FOXN3: variants seen among roughly 807,000 people sequenced by gnomAD.
FOXN3 encodes the protein forkhead box protein N3.
In FOXN3, 7 loss-of-function variants were observed where a neutral mutation model predicts 38.4. The ratio of observed to expected loss-of-function variants is 0.18; its 90% CI spans 0.10 to 0.34. FOXN3 has a LOEUF of 0.34. Ranked by LOEUF, FOXN3 falls within the 10% of genes least tolerant of loss-of-function variation. FOXN3 has a pLI of 1.00. For synonymous variants in FOXN3, 230 were observed against 242.2 expected (o/e 0.95, Z 0.47); for missense variants, 456 against 613.4 (o/e 0.74, Z 2.71).
intron 1 of FOXN3, among the ~76,000 whole-genome samples, chr14:89,451,437 C>A (rs955209131): frequency 6.6e-6 from 1 of 152,194 alleles, no homozygotes; most frequent in African/African-American, 2.4e-5. Context: ...TACGGCCCGT[C>A]GGTCAACATT....
At chr14:89,396,867 A>G (rs899537371) in intron 2 of FOXN3, among the ~76,000 whole-genome samples, 11 of 147,256 alleles carry the variant, frequency 7.5e-5, no homozygotes, top group Non-Finnish European at 5.9e-5. Context: ...AATGAGAAAT[A>G]TGCTGCAGTA....
At chr14:89,453,784 T>C (rs910639018) in intron 1 of FOXN3, among the ~76,000 whole-genome samples, 2 of 152,130 alleles carry the variant, frequency 1.3e-5, no homozygotes, top group African/African-American at 4.8e-5. Context: ...TGGATTATAA[T>C]TTAAAATGCA....
intron 1 of FOXN3, among the ~76,000 whole-genome samples, chr14:89,509,595 A>G (rs1246489426): frequency 6.6e-6 from 1 of 152,200 alleles, no homozygotes; most frequent in Non-Finnish European, 1.5e-5. Context: ...TCGGCCTCCC[A>G]AAGTGCTGGG....
At chr14:89,295,034 A>G (rs1054561728) in intron 3 of FOXN3, among the ~76,000 whole-genome samples, 7 of 151,968 alleles carry the variant, frequency 4.6e-5, no homozygotes, top group Non-Finnish European at 7.4e-5. Flanking sequence ...CGGTGCTGGT[A>G]CCCCTCAGAA....
chr14:89,216,081 C>G (rs10139217), intron 4 of FOXN3, among the ~76,000 whole-genome samples: 2,644 of 152,214 alleles, frequency 0.017, 75 homozygotes, highest in African/African-American at 0.06. Flanking sequence ...AGTCCAGTGC[C>G]CTATGGGGCT....
At chr14:89,183,000 A>C (rs1272437613) in intron 4 of FOXN3, among the ~76,000 whole-genome samples, 1 of 152,252 alleles carries the variant, frequency 6.6e-6, no homozygotes, top group Non-Finnish European at 1.5e-5. Flanking sequence ...TAAAACGATA[A>C]AACTTCCAGA....
Position 89,159,203 on chromosome 14 carries a change from T to TTC in FOXN3, c.*3209_*3210dup, listed in dbSNP as rs1478129958. On this transcript the variant is annotated 3_prime_UTR_variant, in exon 6 of 6. Coordinates refer to ENST00000557258, the MANE Select transcript of FOXN3 (RefSeq NM_005197.4). ...ACGGACAACCTCATTCTCCAATAAATTCACTACAAACAGCCACATACACAT... is the reference window on the plus strand; with the variant it reads ...ACGGACAACCTCATTCTCCAATAAATTCTCACTACAAACAGCCACATACACAT... The TTC allele has an allele frequency of 2.6e-5, 4 of 152,640 alleles. No individual in the cohort carries two copies. Among genetic ancestry groups the TTC allele is most frequent in the Non-Finnish European group, 4.4e-5 (3 of 68,042 alleles). 9.5% of individuals were successfully genotyped at this position (152,640 alleles called of 1,614,324 possible).
At chr14:89,597,127 T>C (rs1330334025) in intron 1 of FOXN3, among the ~76,000 whole-genome samples, 2 of 152,234 alleles carry the variant, frequency 1.3e-5, no homozygotes, top group Non-Finnish European at 2.9e-5. Flanking sequence ...CTCTAAGCAT[T>C]GCTTTACATG....
chr14:89,258,882 G>A (rs1046800563), intron 4 of FOXN3, among the ~76,000 whole-genome samples: 1 of 152,280 alleles, frequency 6.6e-6, no homozygotes, highest in Non-Finnish European at 1.5e-5. Flanking sequence ...TCCTTACTAG[G>A]CTCACTTCCT....
intron 3 of FOXN3, among the ~76,000 whole-genome samples, chr14:89,301,788 A>G (rs1392041686): frequency 6.6e-6 from 1 of 152,032 alleles, no homozygotes; most frequent in East Asian, 1.9e-4. Context: ...AAAAATTCCA[A>G]AAAGTAATCT....
At chr14:89,184,483 A>G (rs1887752878) in intron 4 of FOXN3, among the ~76,000 whole-genome samples, 1 of 152,230 alleles carries the variant, frequency 6.6e-6, no homozygotes. Flanking sequence ...GAGGAAAACT[A>G]GGAAAGGAAG....
intron 1 of FOXN3, among the ~76,000 whole-genome samples, chr14:89,575,308 C>G (rs148633603): frequency 1.2e-4 from 19 of 152,224 alleles, no homozygotes; most frequent in Non-Finnish European, 2.4e-4. Flanking sequence ...AGCTGGTGAC[C>G]AAGCACTTGA....
At chr14:89,217,793 G>A (rs185972614) in intron 4 of FOXN3, among the ~76,000 whole-genome samples, 9 of 152,298 alleles carry the variant, frequency 5.9e-5, no homozygotes, top group Admixed American at 1.3e-4. Flanking sequence ...TCCAGTCCCC[G>A]CCAGCTTTGC....
intron 2 of FOXN3, among the ~76,000 whole-genome samples, chr14:89,407,628 T>C (rs565984204): frequency 6.6e-6 from 1 of 152,170 alleles, no homozygotes; most frequent in African/African-American, 2.4e-5. Context: ...GGCCAGGAAT[T>C]TGGGACCAGC....
chr14:89,370,884 A>C (rs1178243383), intron 2 of FOXN3, among the ~76,000 whole-genome samples: 1 of 152,202 alleles, frequency 6.6e-6, no homozygotes, highest in African/African-American at 2.4e-5. Context: ...TTGTAAGTAC[A>C]CAGAAGGCAC....
chr14:89,413,965 T>TGGA (rs148455780), intron 1 of FOXN3, among the ~76,000 whole-genome samples: 3,784 of 102,004 alleles, frequency 0.037, 204 homozygotes, highest in African/African-American at 0.12. Flanking sequence ...GGAGGAGGGA[T>TGGA]GGAGGAGGAG....
At chr14:89,499,485 T>C (rs1488284809) in intron 1 of FOXN3, among the ~76,000 whole-genome samples, 2 of 151,682 alleles carry the variant, frequency 1.3e-5, no homozygotes, top group Non-Finnish European at 2.9e-5. Context: ...TTTTTTGCCG[T>C]GTCTTTGGCA....
At position 89,280,980 on chromosome 14, in the gene FOXN3, A is replaced by G; in HGVS notation, c.715T>C (p.Phe239Leu). 1 of 1,613,916 alleles carries G rather than the reference A, an allele frequency of 6.2e-7. No individual in the cohort carries two copies. Among genetic ancestry groups the G allele is most frequent in the Non-Finnish European group, 8.5e-7 (1 of 1,179,966 alleles). ...SGPPIWPGSTFFKRNGALLQV... is the reference protein window; with the variant it reads ...SGPPIWPGSTLFKRNGALLQV... ...AGAAGGGCTCCATTTCTCTTGAAGA[A>G]GGTACTGCCCGGCCAGATGGGTGGA... Residue 239 changes from phenylalanine (F) to leucine (L), a missense_variant, in exon 4 of 6, where the codon TTC (phenylalanine) becomes CTC (leucine). This residue lies in a region of FOXN3 where 386 missense variants were observed against 505.2 expected (regional missense o/e 0.76). Coordinates refer to ENST00000557258, the MANE Select transcript of FOXN3 (RefSeq NM_005197.4).
chr14:89,242,426 A>G (rs76274835), intron 4 of FOXN3, among the ~76,000 whole-genome samples: 3,376 of 152,256 alleles, frequency 0.022, 58 homozygotes, highest in Middle Eastern at 0.044. Context: ...AGTATTTGAG[A>G]ATGGCCTGAA....
Sources: gnomAD v4.1 joint callset for allele counts (sites outside exome capture counted in the v4.1 genomes callset) on GRCh38, gnomAD v4.1.1 for gene constraint, gnomAD v4.1.1 regional missense constraint, MANE v1.5 for transcripts, NCBI Gene and HGNC (gene_info 2026-07-23, HGNC 2026-07-21) for gene names.